Variants in SSH2 observed in about 807,000 individuals in gnomAD.
SSH2 encodes protein phosphatase Slingshot homolog 2.
Under a neutral mutation model 135.2 loss-of-function variants are expected in SSH2, and 37 were observed. The observed-to-expected ratio is 0.27, with a 90% CI of 0.21 to 0.36. SSH2 has a LOEUF of 0.36. SSH2 is among the 10% of genes least tolerant of loss of function. The pLI is 1.00. For synonymous variants in SSH2, 628 were observed against 646.2 expected (o/e 0.97, Z 0.43); for missense variants, 1,408 against 1,765.3 (o/e 0.80, Z 3.63).
intron 3 of SSH2, among the ~76,000 whole-genome samples, chr17:29,714,720 G>T (rs999792527): frequency 2.0e-5 from 3 of 152,128 alleles, no homozygotes; most frequent in Non-Finnish European, 4.4e-5. Context: ...CCCTCTGGAA[G>T]TCACGAGTTC....
In SSH2 at chr17:29,718,666, G is replaced by T. The variant is rs138371617; in HGVS notation, c.189-15604C>A. ...AAGAATGGCATGAACCCGGGAGGCG[G>T]AGCTTGCAGTAAGCCAAGATCGTGC... On this transcript the variant is annotated intron_variant, in intron 3 of 15. Coordinates refer to ENST00000540801, the MANE Select transcript of SSH2 (RefSeq NM_001282129.2). 5.6e-5 allele frequency among the ~76,000 whole-genome samples: 8 copies of T among 142,608 alleles called. 1 individual carries two copies. Among genetic ancestry groups the T allele is most frequent in the African/African-American group, 2.0e-4 (8 of 39,584 alleles). 93.6% of individuals were successfully genotyped at this position (142,608 alleles called of 152,430 possible).
At chr17:29,926,553 C>CA (rs577944888) in intron 1 of SSH2, among the ~76,000 whole-genome samples, 2,438 of 105,442 alleles carry the variant, frequency 0.023, 25 homozygotes, top group Admixed American at 0.03. Context: ...GACCTTGTCT[C>CA]AAAAAAAAAA....
intron 1 of SSH2, chr17:29,928,430 C>T (rs2067109385): frequency 1.0e-5 from 4 of 397,824 alleles, no homozygotes; most frequent in Non-Finnish European, 1.8e-5. Flanking sequence ...ATTCTTTATA[C>T]CACCTCCCAG....
chr17:29,744,365 A>G (rs1345944388), intron 3 of SSH2, among the ~76,000 whole-genome samples: 1 of 152,140 alleles, frequency 6.6e-6, no homozygotes, highest in African/African-American at 2.4e-5. Context: ...TTGGCTGAGG[A>G]GCCTGCTGGT....
chr17:29,631,246 A>C lies in SSH2; in HGVS notation c.3948T>G (p.Leu1316=), dbSNP rs1365781287. Reference sequence around the variant, plus strand: ...CTGAGTCTGTTCTGAGGAAAGGCTGAAGCAGTTTGAGATGAGGGGATTCAC... The same window carrying C: ...CTGAGTCTGTTCTGAGGAAAGGCTGCAGCAGTTTGAGATGAGGGGATTCAC... ...ASCESPHLKL[L]QPFLRTDSGM... is the part of the protein sequence containing the mutation. Residue 1316 remains leucine, a synonymous_variant, in exon 16 of 16, where the codon CTT becomes CTG. Transcript: ENST00000540801. The C allele has an allele frequency of 6.2e-7, 1 of 1,613,972 alleles. No homozygotes were observed. The highest frequency in any genetic ancestry group is 1.1e-5 in the South Asian group (1 of 91,074).
chr17:29,756,691 G>A (rs1273434743), intron 3 of SSH2, among the ~76,000 whole-genome samples: 1 of 151,500 alleles, frequency 6.6e-6, no homozygotes, highest in Admixed American at 6.6e-5. Context: ...GTCTCACCCT[G>A]TCGCCCAGGC....
intron 1 of SSH2, among the ~76,000 whole-genome samples, chr17:29,906,199 T>A (rs1473308278): frequency 6.6e-6 from 1 of 152,094 alleles, no homozygotes. Flanking sequence ...TTCCAAAAAT[T>A]GACACCCAAA....
intron 3 of SSH2, among the ~76,000 whole-genome samples, chr17:29,739,877 A>G (rs1480647532): frequency 6.6e-6 from 1 of 152,184 alleles, no homozygotes; most frequent in East Asian, 1.9e-4. Context: ...CCAATACATC[A>G]CAATTTAATT....
chr17:29,665,415 T>C lies in SSH2; in HGVS notation c.1032+1452A>G, dbSNP rs2037228802. Among the ~76,000 whole-genome samples the C allele has an allele frequency of 2.0e-5, 3 of 152,292 alleles. 1 individual carries two copies. In the South Asian group the frequency reaches 6.2e-4, roughly 32 times the overall value. ...ACATATATCCTAGAGTGTCAACAAG[T>C]TATTTCAGGGCACAAGCCTTCAAAG... is the stretch of plus-strand genomic sequence containing the variant. On this transcript the variant is annotated intron_variant, in intron 11 of 15. Coordinates refer to ENST00000540801, the MANE Select transcript of SSH2 (RefSeq NM_001282129.2).
At chr17:29,713,937 C>T (rs2039528777) in intron 3 of SSH2, among the ~76,000 whole-genome samples, 1 of 152,144 alleles carries the variant, frequency 6.6e-6, no homozygotes, top group African/African-American at 2.4e-5. Flanking sequence ...ACACAACTGA[C>T]CCAGGTCCTC....
chr17:29,923,515 G>A (rs1429837886), intron 1 of SSH2, among the ~76,000 whole-genome samples: 1 of 151,724 alleles, frequency 6.6e-6, no homozygotes, highest in Non-Finnish European at 1.5e-5. Flanking sequence ...GCTTTTTGGT[G>A]GGGCTGAGAT....
At chr17:29,681,426 GT>G (rs2151070828) in intron 6 of SSH2, among the ~76,000 whole-genome samples, 2 of 149,118 alleles carry the variant, frequency 1.3e-5, no homozygotes, top group South Asian at 4.2e-4. Context: ...TTTTATCCAG[GT>G]TACCTCAGTC....
rs1028290403 is a variant in SSH2 at position 29,631,155 on chromosome 17, T to C, written c.4039A>G (p.Thr1347Ala). 1.2e-6 allele frequency: 2 copies of C among 1,614,100 alleles called. No homozygotes were observed. The highest frequency in any genetic ancestry group is 2.7e-5 in the African/African-American group (2 of 74,920). ...NPGAPHNPEP[T>A]KSFVEQLTTT... ...GTGAGTTGTTCTACAAAAGACTTGGTGGGCTCTGGGTTGTGGGGGGCACCT... is the reference window on the plus strand; with the variant it reads ...GTGAGTTGTTCTACAAAAGACTTGGCGGGCTCTGGGTTGTGGGGGGCACCT... The change falls in exon 16 of 16, where the codon ACC becomes GCC. Residue 1347 changes from threonine to alanine, a missense_variant. Coordinates refer to ENST00000540801, the MANE Select transcript of SSH2 (RefSeq NM_001282129.2).
chr17:29,835,039 C>T (rs1259256343), intron 2 of SSH2, among the ~76,000 whole-genome samples: 2 of 152,114 alleles, frequency 1.3e-5, no homozygotes, highest in Non-Finnish European at 1.5e-5. Context: ...TGTCAGATTG[C>T]CAGGATCAAG....
rs1335212735 is a variant in SSH2 at position 29,631,051 on chromosome 17, C to G, written c.4143G>C (p.Gln1381His). The G allele has an allele frequency of 6.2e-7, 1 of 1,614,088 alleles. No individual in the cohort carries two copies. Among genetic ancestry groups the G allele is most frequent in the Admixed American group, 1.7e-5 (1 of 59,998 alleles). ...GTCCTGCCCTGGGGAGCAAATACTGCTGACTAGAACCAAATTCTTTGGCAT... is the reference window on the plus strand; with the variant it reads ...GTCCTGCCCTGGGGAGCAAATACTGGTGACTAGAACCAAATTCTTTGGCAT... ...VQYAKEFGSS[Q>H]QYLLPRAGLE... is the part of the protein sequence containing the mutation. The change falls in exon 16 of 16, where the codon CAG (glutamine) becomes CAC (histidine). Residue 1381 changes from glutamine (Q) to histidine (H), a missense_variant. Gln to His is a conservative substitution (Grantham distance 24). Around this residue, in one of 3 missense-constraint regions of SSH2, gnomAD observed 1,080 missense variants for 1,144.5 expected, o/e 0.94. Coordinates refer to ENST00000540801, the MANE Select transcript of SSH2 (RefSeq NM_001282129.2).
intron 2 of SSH2, among the ~76,000 whole-genome samples, chr17:29,841,277 A>G (rs1568007535): frequency 6.6e-6 from 1 of 152,256 alleles, no homozygotes; most frequent in Admixed American, 6.5e-5. Context: ...AGATAAGTAC[A>G]CTTTTCTGTA....
At chr17:29,906,972 G>C (rs1381174623) in intron 1 of SSH2, among the ~76,000 whole-genome samples, 1 of 152,158 alleles carries the variant, frequency 6.6e-6, no homozygotes, top group Non-Finnish European at 1.5e-5. Flanking sequence ...CAAAGACTTA[G>C]AGGCAGAAAT....
intron 12 of SSH2, among the ~76,000 whole-genome samples, chr17:29,654,550 T>C (rs2036706243): frequency 6.6e-6 from 1 of 152,202 alleles, no homozygotes; most frequent in African/African-American, 2.4e-5. Flanking sequence ...GCTGGTCTTA[T>C]CTCTTTCCAC....
intron 2 of SSH2, among the ~76,000 whole-genome samples, chr17:29,811,877 C>A (rs139761978): frequency 1.2e-3 from 184 of 152,266 alleles, no homozygotes; most frequent in African/African-American, 4.2e-3. Context: ...GCTTCACCAC[C>A]TAATTCTCTA....
Sources: allele counts gnomAD v4.1 joint callset (sites outside exome capture counted in the v4.1 genomes callset), GRCh38; gene constraint gnomAD v4.1.1; regional missense constraint gnomAD v4.1.1; transcripts MANE v1.5; gene names NCBI Gene and HGNC (gene_info 2026-07-23, HGNC 2026-07-21).